GLI2: variants seen among roughly 807,000 people sequenced by gnomAD.
GLI2 encodes transcription activator GLI2.
In GLI2, 22 loss-of-function variants were observed where a neutral mutation model predicts 78.9. The observed-to-expected ratio is 0.28, with a 90% CI of 0.20 to 0.40. The LOEUF (loss-of-function observed/expected upper bound fraction) is 0.40. Among genes scored for constraint, GLI2 ranks in the 10% least tolerant of loss-of-function variants. GLI2 has a pLI of 1.00. For missense variants in GLI2, 2,097 were observed against 2,213.2 expected (o/e 0.95, Z 1.05); for synonymous variants, 974 against 963.7 (o/e 1.01, Z -0.20).
intron 2 of GLI2, among the ~76,000 whole-genome samples, chr2:120,816,487 G>A (rs530887558): frequency 9.2e-4 from 140 of 151,424 alleles, no homozygotes; most frequent in Admixed American, 2.7e-3. Context: ...AAGCCACGGC[G>A]CCCGGCCCCA....
intron 8 of GLI2, among the ~76,000 whole-genome samples, chr2:120,973,562 T>A (rs1017523865): frequency 1.3e-5 from 2 of 152,194 alleles, no homozygotes; most frequent in African/African-American, 4.8e-5. Flanking sequence ...ATGGCTGACT[T>A]CCAGGTCTTC....
chr2:120,829,910 G>C (rs1012552140), intron 2 of GLI2, among the ~76,000 whole-genome samples: 5 of 152,226 alleles, frequency 3.3e-5, no homozygotes, highest in Admixed American at 3.3e-4. Context: ...TCAGCACTGT[G>C]CTAGGCATTC....
chr2:120,877,505 C>A (rs1374985257), intron 2 of GLI2, among the ~76,000 whole-genome samples: 1 of 152,156 alleles, frequency 6.6e-6, no homozygotes, highest in Non-Finnish European at 1.5e-5. Flanking sequence ...CCGAAGCCCC[C>A]CTGTGCCCAC....
At chr2:120,752,901 G>C (rs1363628743) in intron 1 of GLI2, among the ~76,000 whole-genome samples, 1 of 152,058 alleles carries the variant, frequency 6.6e-6, no homozygotes, top group Non-Finnish European at 1.5e-5. Context: ...GTGTCTGGGC[G>C]GGATACCACT....
At chr2:120,756,655 T>C (rs1683041833) in intron 1 of GLI2, among the ~76,000 whole-genome samples, 1 of 152,202 alleles carries the variant, frequency 6.6e-6, no homozygotes, top group South Asian at 2.1e-4. Context: ...TTCTTTAAAA[T>C]TTCTTTTGTG....
rs149944290 is a variant in GLI2 at position 120,957,902 on chromosome 2, G to A, written c.643+2472G>A. Among the ~76,000 whole-genome samples, 304 of 152,338 alleles carry A rather than the reference G, an allele frequency of 2.0e-3. 2 individuals carry two copies. The highest frequency in any genetic ancestry group is 6.8e-3 in the African/African-American group (283 of 41,570). The stretch of plus-strand genomic sequence containing the variant: ...CCCAGCATCTAGCGGCTTGACCCAG[G>A]CCTTGCTCTGTTTGTTACCAGCACC... On this transcript the variant is annotated intron_variant, in intron 5 of 13. Coordinates refer to ENST00000361492, the MANE Select transcript of GLI2 (RefSeq NM_001374353.1).
intron 2 of GLI2, among the ~76,000 whole-genome samples, chr2:120,839,355 T>C (rs1187138793): frequency 6.6e-6 from 1 of 152,246 alleles, no homozygotes; most frequent in Non-Finnish European, 1.5e-5. Context: ...TAATTCAGTT[T>C]ATTTAATGGT....
chr2:120,875,217 G>A (rs1351212700), intron 2 of GLI2, among the ~76,000 whole-genome samples: 1 of 152,256 alleles, frequency 6.6e-6, no homozygotes, highest in East Asian at 1.9e-4. Context: ...TCAGCACTCA[G>A]TGTCTGAGCA....
intron 10 of GLI2, among the ~76,000 whole-genome samples, chr2:120,979,777 C>T (rs1682626597): frequency 6.6e-6 from 1 of 152,108 alleles, no homozygotes; most frequent in African/African-American, 2.4e-5. Context: ...CCTCCTAATT[C>T]TGTCCTTCCC....
intron 2 of GLI2, among the ~76,000 whole-genome samples, chr2:120,822,100 G>A (rs1164707945): frequency 1.3e-5 from 2 of 152,232 alleles, no homozygotes; most frequent in African/African-American, 2.4e-5. Flanking sequence ...ATAGCTGGAC[G>A]AGACCTAGAG....
intron 3 of GLI2, among the ~76,000 whole-genome samples, chr2:120,938,247 A>G (rs1428818132): frequency 1.3e-5 from 2 of 152,186 alleles, no homozygotes; most frequent in Admixed American, 1.3e-4. Context: ...AAGGCTTCCA[A>G]CAGGCCCCAC....
At chr2:120,830,428 C>CTG (rs1207010652) in intron 2 of GLI2, among the ~76,000 whole-genome samples, 3 of 152,086 alleles carry the variant, frequency 2.0e-5, no homozygotes, top group African/African-American at 7.2e-5. Context: ...CTTGCCAAGC[C>CTG]TGTGTGTGTG....
intron 2 of GLI2, among the ~76,000 whole-genome samples, chr2:120,903,220 A>G (rs1034647148): frequency 1.3e-5 from 2 of 152,134 alleles, no homozygotes; most frequent in Admixed American, 1.3e-4. Flanking sequence ...CACGATCTCT[A>G]GTAAAAATAC....
chr2:120,811,464 G>A (rs1391195809), intron 2 of GLI2, among the ~76,000 whole-genome samples: 2 of 152,192 alleles, frequency 1.3e-5, no homozygotes, highest in Non-Finnish European at 2.9e-5. Flanking sequence ...AAGTTCCAGG[G>A]GTGGCATCGC....
chr2:120,824,139 C>T (rs1685920139), intron 2 of GLI2, among the ~76,000 whole-genome samples: 1 of 152,210 alleles, frequency 6.6e-6, no homozygotes, highest in Admixed American at 6.5e-5. Context: ...GGCAGTATAG[C>T]AGCTAAAGCA....
chr2:120,852,393 G>A (rs1028157168), intron 2 of GLI2, among the ~76,000 whole-genome samples: 3 of 152,182 alleles, frequency 2.0e-5, no homozygotes, highest in African/African-American at 4.8e-5. Context: ...AGGAGGTGCT[G>A]AAACACATAG....
At chr2:120,782,246 T>A (rs929435017) in intron 1 of GLI2, among the ~76,000 whole-genome samples, 1 of 152,320 alleles carries the variant, frequency 6.6e-6, no homozygotes, top group East Asian at 1.9e-4. Flanking sequence ...CCTGTGACAG[T>A]GTCATTGAGG....
chr2:120,823,541 T>G (rs1376811794), intron 2 of GLI2, among the ~76,000 whole-genome samples: 1 of 152,208 alleles, frequency 6.6e-6, no homozygotes, highest in African/African-American at 2.4e-5. Flanking sequence ...GATGTGACAT[T>G]CTTTCTGATC....
chr2:120,980,706 C>T (rs1177339725), intron 10 of GLI2, among the ~76,000 whole-genome samples: 2 of 152,134 alleles, frequency 1.3e-5, no homozygotes, highest in Non-Finnish European at 2.9e-5. Flanking sequence ...TCCAAGGTCA[C>T]AAAAATTTAC....
Sources: gnomAD v4.1 joint callset for allele counts (sites outside exome capture counted in the v4.1 genomes callset) on GRCh38, gnomAD v4.1.1 for gene constraint, MANE v1.5 for transcripts, NCBI Gene and HGNC (gene_info 2026-07-23, HGNC 2026-07-21) for gene names.